Variants in GABRB2 observed in about 807,000 individuals in gnomAD.
GABRB2 encodes the protein gamma-aminobutyric acid type A receptor subunit beta2, also known as gamma-aminobutyric acid receptor subunit beta-2.
GABRB2 carries 16 observed loss-of-function variants against 54.7 expected under a neutral mutation model. The ratio of observed to expected loss-of-function variants is 0.29; its 90% CI spans 0.20 to 0.44. The LOEUF is 0.44. Ranked by LOEUF, GABRB2 falls within the 20% of genes least tolerant of loss-of-function variation. The probability of loss-of-function intolerance (pLI) is 1.00; values close to 1 mark genes in which losing one functional copy is unlikely to be tolerated. For missense variants in GABRB2, 355 were observed against 644.0 expected, an observed-to-expected ratio of 0.55 and a Z score of 4.86; for synonymous variants, 244 against 233.8, an observed-to-expected ratio of 1.04 and a Z score of -0.40.
At chr5:161,416,555 A>AAAT (rs1756670306) in intron 4 of GABRB2, among the ~76,000 whole-genome samples, 1 of 151,328 alleles carries the variant, frequency 6.6e-6, no homozygotes. Flanking sequence ...AAAAAAAAAA[A>AAAT]TTAAACATCT....
chr5:161,313,269 A>G (rs1171918575), intron 9 of GABRB2, among the ~76,000 whole-genome samples: 3 of 152,202 alleles, frequency 2.0e-5, no homozygotes, highest in Non-Finnish European at 4.4e-5. Flanking sequence ...CATTTACAAA[A>G]TGATAGAATC....
intron 4 of GABRB2, among the ~76,000 whole-genome samples, chr5:161,457,594 C>T (rs1338953904): frequency 1.5e-4 from 23 of 152,056 alleles, no homozygotes; most frequent in Non-Finnish European, 2.5e-4. Flanking sequence ...TACAGGCCCC[C>T]GCCACTACGC....
At chr5:161,379,822 A>T (rs1190682754) in intron 5 of GABRB2, among the ~76,000 whole-genome samples, 1 of 152,122 alleles carries the variant, frequency 6.6e-6, no homozygotes, top group African/African-American at 2.4e-5. Flanking sequence ...AAAGGGGAAC[A>T]TTTGAAGCCA....
chr5:161,435,046 G>C (rs973976275), intron 4 of GABRB2, among the ~76,000 whole-genome samples: 4 of 152,098 alleles, frequency 2.6e-5, no homozygotes, highest in Non-Finnish European at 5.9e-5. Flanking sequence ...GCCTTAAAAT[G>C]TTCATACACA....
At chr5:161,368,331 A>G (rs527459382) in intron 5 of GABRB2, among the ~76,000 whole-genome samples, 9 of 152,192 alleles carry the variant, frequency 5.9e-5, no homozygotes, top group Non-Finnish European at 1.2e-4. Context: ...ATAATAGGCC[A>G]GAGATTTGAG....
At chr5:161,442,252 T>C (rs1403018550) in intron 4 of GABRB2, among the ~76,000 whole-genome samples, 3 of 152,196 alleles carry the variant, frequency 2.0e-5, no homozygotes, top group African/African-American at 4.8e-5. Flanking sequence ...AAATGTACTT[T>C]TTTAAATAAA....
intron 3 of GABRB2, among the ~76,000 whole-genome samples, chr5:161,461,147 AG>A (rs1758108865): frequency 6.6e-6 from 1 of 152,218 alleles, no homozygotes; most frequent in Non-Finnish European, 1.5e-5. Context: ...TTATTATGGT[AG>A]TAATTGTAAG....
intron 3 of GABRB2, among the ~76,000 whole-genome samples, chr5:161,467,788 G>C (rs1183516922): frequency 1.3e-5 from 2 of 152,030 alleles, no homozygotes; most frequent in Non-Finnish European, 1.5e-5. Context: ...AAGTCATATA[G>C]TATGTACATT....
At chr5:161,440,569 G>T (rs1199155859) in intron 4 of GABRB2, among the ~76,000 whole-genome samples, 1 of 152,090 alleles carries the variant, frequency 6.6e-6, no homozygotes, top group African/African-American at 2.4e-5. Flanking sequence ...CAACATTGGA[G>T]CACCCAGATA....
intron 3 of GABRB2, among the ~76,000 whole-genome samples, chr5:161,537,357 T>C (rs1430702806): frequency 6.6e-6 from 1 of 152,194 alleles, no homozygotes; most frequent in Non-Finnish European, 1.5e-5. Context: ...ACCTATATTT[T>C]CCAATCGCCT....
At chr5:161,489,172 A>C (rs1759022984) in intron 3 of GABRB2, among the ~76,000 whole-genome samples, 1 of 151,682 alleles carries the variant, frequency 6.6e-6, no homozygotes, top group Non-Finnish European at 1.5e-5. Context: ...TTTTCTAATC[A>C]GTTTCTTCCC....
chr5:161,520,871 C>T (rs942133862), intron 3 of GABRB2, among the ~76,000 whole-genome samples: 6 of 152,110 alleles, frequency 3.9e-5, no homozygotes, highest in African/African-American at 7.2e-5. Flanking sequence ...CACAGCTTGC[C>T]ATATTAGACC....
At chr5:161,426,320 C>T (rs1048081066) in intron 4 of GABRB2, among the ~76,000 whole-genome samples, 3 of 152,178 alleles carry the variant, frequency 2.0e-5, no homozygotes, top group Non-Finnish European at 1.5e-5. Flanking sequence ...TTTCTTCTAA[C>T]TTGTGGAAAT....
intron 5 of GABRB2, among the ~76,000 whole-genome samples, chr5:161,398,679 G>T (rs3111047): frequency 0.78 from 115,298 of 147,194 alleles, 44,184 homozygotes; most frequent in East Asian, 0.92. Flanking sequence ...TGTTTTTTTT[G>T]TTGTTGTTGT....
Position 161,433,464 on chromosome 5 carries a change from G to A in GABRB2, c.459-22407C>T, listed in dbSNP as rs565758594. Reference sequence around the variant, plus strand: ...AAAATACAAAAAAAAAAAAAAAATAGTCGGGCAAGGTGGTGCTTGCCTGTA... The same window carrying A: ...AAAATACAAAAAAAAAAAAAAAATAATCGGGCAAGGTGGTGCTTGCCTGTA... On this transcript the variant is annotated intron_variant, in intron 4 of 9. Coordinates refer to ENST00000393959, the MANE Select transcript of GABRB2 (RefSeq NM_001371727.1). 6.8e-4 allele frequency among the ~76,000 whole-genome samples: 101 copies of A among 149,524 alleles called. 1 individual carries two copies. The highest frequency in any genetic ancestry group is 1.1e-3 in the Non-Finnish European group (77 of 67,472).
At chr5:161,306,235 G>A (rs1428524999) in intron 9 of GABRB2, among the ~76,000 whole-genome samples, 1 of 152,186 alleles carries the variant, frequency 6.6e-6, no homozygotes, top group Non-Finnish European at 1.5e-5. Context: ...GTTTTCTGTT[G>A]GAAGCAGAGA....
At chr5:161,379,489 C>G (rs1364478625) in intron 5 of GABRB2, among the ~76,000 whole-genome samples, 1 of 152,078 alleles carries the variant, frequency 6.6e-6, no homozygotes, top group Non-Finnish European at 1.5e-5. Flanking sequence ...AAAGAAATCT[C>G]ACAGCAATCA....
At chr5:161,306,420 T>A (rs551350475) in intron 9 of GABRB2, among the ~76,000 whole-genome samples, 16 of 152,314 alleles carry the variant, frequency 1.1e-4, no homozygotes, top group Admixed American at 7.8e-4. Flanking sequence ...ATAGAGATAT[T>A]TTTTTCCATA....
chr5:161,314,690 CT>C (rs1420548279), intron 9 of GABRB2, among the ~76,000 whole-genome samples: 1 of 152,016 alleles, frequency 6.6e-6, no homozygotes, highest in African/African-American at 2.4e-5. Context: ...TCTCTCCCCC[CT>C]CTTTCTGCCA....
Sources: allele counts gnomAD v4.1 joint callset (sites outside exome capture counted in the v4.1 genomes callset), GRCh38; gene constraint gnomAD v4.1.1; transcripts MANE v1.5; gene names NCBI Gene and HGNC (gene_info 2026-07-23, HGNC 2026-07-21).